ERG: variants seen among roughly 807,000 people sequenced by gnomAD.
ERG encodes ETS transcription factor ERG.
Under a neutral mutation model 55.3 loss-of-function variants are expected in ERG, and 9 were observed. The ratio of observed to expected loss-of-function variants is 0.16; its 90% CI spans 0.10 to 0.28. The LOEUF is 0.28. ERG is among the 10% of genes least tolerant of loss of function. The probability of loss-of-function intolerance (pLI) is 1.00; values close to 1 mark genes in which losing one functional copy is unlikely to be tolerated. For missense variants in ERG, 434 were observed against 631.6 expected (o/e 0.69, Z 3.35); for synonymous variants, 223 against 237.3 (o/e 0.94, Z 0.55).
chr21:38,367,527 C>T, the ERG span: 4 of 452,246 alleles, frequency 8.8e-6, no homozygotes, highest in African/African-American at 7.8e-5. Context: ...ATGGCAGTCT[C>T]TTCCCCCAGA....
chr21:38,501,061 C>CT (rs34639260), upstream of ERG, among the ~76,000 whole-genome samples: 16,907 of 81,152 alleles, frequency 0.21, 628 homozygotes, highest in African/African-American at 0.26. Context: ...CAAGGCACAT[C>CT]TTTTTTTTTT....
At chr21:38,590,837 C>A (rs748517615) in intron 1 of ERG, among the ~76,000 whole-genome samples, 8 of 152,230 alleles carry the variant, frequency 5.3e-5, no homozygotes, top group Non-Finnish European at 1.2e-4. Context: ...AAAAAAATCA[C>A]AAATGCCAAC....
intron 1 of ERG, among the ~76,000 whole-genome samples, chr21:38,644,491 T>C (rs2060444433): frequency 1.3e-5 from 2 of 152,174 alleles, no homozygotes; most frequent in African/African-American, 4.8e-5. Context: ...GACATCTTGG[T>C]CTGTAGAAAC....
chr21:38,445,042 A>G (rs890302379), intron 2 of ERG, among the ~76,000 whole-genome samples: 1 of 152,102 alleles, frequency 6.6e-6, no homozygotes, highest in Non-Finnish European at 1.5e-5. Flanking sequence ...TACTAATTTT[A>G]CAAACTCCAT....
intron 2 of ERG, among the ~76,000 whole-genome samples, chr21:38,519,247 G>C (rs1013527182): frequency 6.6e-6 from 1 of 152,110 alleles, no homozygotes; most frequent in Non-Finnish European, 1.5e-5. Context: ...ATAGGTAAGT[G>C]AACAAAATTT....
chr21:38,498,395 T>G lies in ERG; in HGVS notation c.-15A>C. 1 of 1,600,844 alleles carries G rather than the reference T, an allele frequency of 6.2e-7. No homozygotes were observed. The highest frequency in any genetic ancestry group is 1.1e-5 in the South Asian group (1 of 88,602). ...GTGCTGGCCATAATGCGATCAAGTTTATTGATCGTTAATAAATGTTAATAA... is the reference window on the plus strand; with the variant it reads ...GTGCTGGCCATAATGCGATCAAGTTGATTGATCGTTAATAAATGTTAATAA... On this transcript the variant is annotated 5_prime_UTR_variant, in exon 1 of 10. Coordinates refer to ENST00000288319, the MANE Select transcript of ERG (RefSeq NM_182918.4). This position sits in a 1 kb window ranked among gnomAD's most constrained non-coding sequence, Gnocchi z 4.6.
intron 2 of ERG, among the ~76,000 whole-genome samples, chr21:38,436,496 C>T (rs185188431): frequency 6.6e-6 from 1 of 152,300 alleles, no homozygotes; most frequent in East Asian, 1.9e-4. Flanking sequence ...TTCTAAGAAG[C>T]CCTGAGGGAG....
intron 5 of ERG, among the ~76,000 whole-genome samples, chr21:38,402,205 C>T (rs900822450): frequency 6.6e-6 from 1 of 152,134 alleles, no homozygotes; most frequent in Non-Finnish European, 1.5e-5. Context: ...TTATATCGAA[C>T]ATGCTTTTAG....
intron 1 of ERG, among the ~76,000 whole-genome samples, chr21:38,632,788 C>T (rs1024380785): frequency 5.9e-5 from 9 of 152,278 alleles, no homozygotes; most frequent in Admixed American, 4.6e-4. Context: ...CAGACTAATA[C>T]AGTGGGATTG....
intron 1 of ERG, among the ~76,000 whole-genome samples, chr21:38,629,489 G>A (rs1330523327): frequency 1.3e-5 from 2 of 152,122 alleles, no homozygotes; most frequent in Admixed American, 6.5e-5. Flanking sequence ...CAAAGGACAT[G>A]AACAGACATT....
At chr21:38,438,275 T>C (rs67693162) in intron 2 of ERG, among the ~76,000 whole-genome samples, 5,946 of 152,294 alleles carry the variant, frequency 0.039, 138 homozygotes, top group South Asian at 0.059. Context: ...GCATTTACCA[T>C]GATCTAACCT....
chr21:38,607,440 G>A (rs913349161), intron 1 of ERG, among the ~76,000 whole-genome samples: 3 of 152,082 alleles, frequency 2.0e-5, no homozygotes, highest in African/African-American at 7.2e-5. Context: ...AGACCATCCT[G>A]GCCAACATGG....
intron 2 of ERG, among the ~76,000 whole-genome samples, chr21:38,566,491 A>C (rs1213436243): frequency 1.3e-5 from 2 of 152,112 alleles, no homozygotes; most frequent in African/African-American, 4.8e-5. Flanking sequence ...CCCTAAGCAA[A>C]ATTATTGACT....
At chr21:38,481,283 T>G (rs2059236008) in intron 1 of ERG, among the ~76,000 whole-genome samples, 1 of 152,244 alleles carries the variant, frequency 6.6e-6, no homozygotes, top group South Asian at 2.1e-4. Flanking sequence ...GGGAAAGATT[T>G]CAATATGCAT....
At chr21:38,398,277 C>T (rs890117994) in intron 6 of ERG, among the ~76,000 whole-genome samples, 3 of 151,942 alleles carry the variant, frequency 2.0e-5, no homozygotes, top group East Asian at 3.8e-4. Flanking sequence ...TAAGGTTGAT[C>T]GCTTAGCAAT....
At chr21:38,420,026 T>G (rs957574028) in intron 3 of ERG, among the ~76,000 whole-genome samples, 2 of 145,604 alleles carry the variant, frequency 1.4e-5, no homozygotes, top group Non-Finnish European at 3.0e-5. Flanking sequence ...TAGGAATAAC[T>G]GATGGTTTTT....
chr21:38,374,006 A>G, the ERG span, among the ~76,000 whole-genome samples: 1 of 152,312 alleles, frequency 6.6e-6, no homozygotes, highest in African/African-American at 2.4e-5. Context: ...ATCATCCCCC[A>G]ATATTTACAT....
chr21:38,597,544 C>G (rs1193761094), intron 1 of ERG, among the ~76,000 whole-genome samples: 3 of 151,728 alleles, frequency 2.0e-5, no homozygotes, highest in Admixed American at 2.0e-4. Context: ...TATCTACATC[C>G]ATCCTGTTGG....
At position 38,567,077 on chromosome 21, in the gene ERG, G is replaced by C. The variant is rs1016874019; in HGVS notation, c.-41+8585C>G. ...CTTAACGAGGAATCGCCAGACTGGG[G>C]GGGGGATTGTGCAGCATGTCTGGGG... is the stretch of plus-strand genomic sequence containing the variant. On this transcript the variant is annotated intron_variant, in intron 2 of 8. Transcript: ENST00000398897. Among the ~76,000 whole-genome samples, 7 of 152,282 alleles carry C rather than the reference G, an allele frequency of 4.6e-5. No homozygotes were observed. The East Asian group carries it at 1.2e-3, about 25-fold the overall frequency.
Sources: gnomAD v4.1 joint callset for allele counts (sites outside exome capture counted in the v4.1 genomes callset) on GRCh38, gnomAD v4.1.1 for gene constraint, Gnocchi (gnomAD v3.1) non-coding constraint, MANE v1.5 for transcripts, NCBI Gene and HGNC (gene_info 2026-07-23, HGNC 2026-07-21) for gene names.